Variants in AHCY observed in about 807,000 individuals in gnomAD.
AHCY encodes the protein adenosylhomocysteinase.
In AHCY, 24 loss-of-function variants were observed where a neutral mutation model predicts 45.4. That is an observed-to-expected ratio of 0.53 (90% confidence interval 0.38 to 0.74). The LOEUF (loss-of-function observed/expected upper bound fraction) is 0.74. AHCY is among the 30% of genes least tolerant of loss of function. AHCY has a pLI of 0.00. For missense variants in AHCY, 449 were observed against 594.1 expected (o/e 0.76, Z 2.54); for synonymous variants, 245 against 235.1 (o/e 1.04, Z -0.39).
the AHCY span, among the ~76,000 whole-genome samples, chr20:34,252,765 G>C: frequency 1.3e-5 from 2 of 152,154 alleles, no homozygotes; most frequent in Non-Finnish European, 2.9e-5. Context: ...TGTCTCAGTG[G>C]GGGGAAACCT....
At chr20:34,291,878 T>G (rs1325193643) in intron 4 of AHCY, among the ~76,000 whole-genome samples, 1 of 152,248 alleles carries the variant, frequency 6.6e-6, no homozygotes, top group Non-Finnish European at 1.5e-5. Flanking sequence ...AGAGAAATCT[T>G]CTCAACGCCC....
chr20:34,299,382 C>T (rs1054546094), intron 1 of AHCY, among the ~76,000 whole-genome samples: 4 of 152,196 alleles, frequency 2.6e-5, no homozygotes, highest in African/African-American at 9.6e-5. Context: ...TTCCTGAAAC[C>T]CTTTCTTTAC....
intron 3 of AHCY, chr20:34,293,842 A>G (rs1601666544): frequency 1.7e-6 from 1 of 581,830 alleles, no homozygotes; most frequent in African/African-American, 1.9e-5. Context: ...TCCCAATCAT[A>G]AGATCTTGCT....
At chr20:34,305,974 C>G (rs2036891380), upstream of AHCY, among the ~76,000 whole-genome samples, 2 of 150,472 alleles carry the variant, frequency 1.3e-5, no homozygotes, top group Non-Finnish European at 2.9e-5. Context: ...CTCAGCTACT[C>G]AGGAGGCTGA....
At chr20:34,246,399 C>T in the AHCY span, 3 of 1,383,616 alleles carry the variant, frequency 2.2e-6, no homozygotes, top group Non-Finnish European at 3.0e-6. Context: ...TGAGCAACAT[C>T]AGGCATATAT....
chr20:34,271,986 G>C, the AHCY span, among the ~76,000 whole-genome samples: 1 of 151,760 alleles, frequency 6.6e-6, no homozygotes, highest in African/African-American at 2.4e-5. Flanking sequence ...AAAAAAGGTA[G>C]AGGGTTAGTC....
the AHCY span, among the ~76,000 whole-genome samples, chr20:34,238,909 G>T: frequency 1.3e-5 from 2 of 152,120 alleles, no homozygotes; most frequent in Non-Finnish European, 2.9e-5. Flanking sequence ...TCACCTAGAA[G>T]TTGCAAGCCT....
At chr20:34,271,141 C>T in the AHCY span, among the ~76,000 whole-genome samples, 1 of 151,450 alleles carries the variant, frequency 6.6e-6, no homozygotes, top group Non-Finnish European at 1.5e-5. Context: ...AGGGTTTCGC[C>T]ATGATGGCCA....
intron 8 of AHCY, 57 bp from the exon 9 acceptor site, chr20:34,285,691 C>A (rs558745927): frequency 1.3e-6 from 2 of 1,593,262 alleles, no homozygotes; most frequent in East Asian, 4.5e-5. Flanking sequence ...CACAGCCCAC[C>A]CTCTGATCTG....
chr20:34,255,273 C>T, the AHCY span, among the ~76,000 whole-genome samples: 2 of 152,298 alleles, frequency 1.3e-5, no homozygotes, highest in South Asian at 4.1e-4. Flanking sequence ...CCCTCGTTCT[C>T]AATCCTGTTC....
chr20:34,263,065 C>G, the AHCY span, among the ~76,000 whole-genome samples: 3 of 152,058 alleles, frequency 2.0e-5, no homozygotes, highest in Admixed American at 2.0e-4. Context: ...AGCCAGACAC[C>G]CACAGAAGCC....
chr20:34,246,194 T>A, the AHCY span: 4 of 1,361,156 alleles, frequency 2.9e-6, no homozygotes, highest in African/African-American at 2.9e-5. Flanking sequence ...AATTTTGGCC[T>A]TAGTAAGCTT....
rs202125899 is a variant in AHCY, at chr20:34,303,228, G to C, written c.28+15C>G. ...TGCCGGGCGGCCGCAACCGGCTGCA[G>C]GTCCTGGGACTCACCGACTTTGTAG... On this transcript the variant is annotated intron_variant, in intron 1 of 9. Transcript: ENST00000217426. 5.4e-5 allele frequency: 83 copies of C among 1,551,380 alleles called. No homozygotes were observed. Among genetic ancestry groups the C allele is most frequent in the Non-Finnish European group, 7.1e-5 (81 of 1,146,870 alleles).
the AHCY span, among the ~76,000 whole-genome samples, chr20:34,252,491 G>A: frequency 1.3e-5 from 2 of 152,312 alleles, no homozygotes; most frequent in South Asian, 4.1e-4. Context: ...TAACAGAGCA[G>A]TATTGTTGTC....
the AHCY span, among the ~76,000 whole-genome samples, chr20:34,272,975 CA>C: frequency 6.6e-6 from 1 of 152,238 alleles, no homozygotes; most frequent in African/African-American, 2.4e-5. Flanking sequence ...GGAAGGGGTG[CA>C]GAGCTTCTGC....
intron 9 of AHCY, among the ~76,000 whole-genome samples, chr20:34,283,462 C>G (rs2036069556): frequency 6.6e-6 from 1 of 152,102 alleles, no homozygotes; most frequent in African/African-American, 2.4e-5. Flanking sequence ...GGTACCTAGT[C>G]CCTTGCCTGC....
At chr20:34,264,001 A>T in the AHCY span, among the ~76,000 whole-genome samples, 1 of 152,112 alleles carries the variant, frequency 6.6e-6, no homozygotes, top group South Asian at 2.1e-4. Context: ...ATTTTTGAAG[A>T]TTGACAATTA....
chr20:34,295,228 G>A, intron 2 of AHCY, 167 bp downstream of exon 2: 1 of 842,852 alleles, frequency 1.2e-6, no homozygotes, highest in Admixed American at 2.0e-5. Flanking sequence ...TCACCACAAG[G>A]GGTGGCAGCA....
At chr20:34,305,625 A>T (rs1228642644), upstream of AHCY, among the ~76,000 whole-genome samples, 1 of 152,196 alleles carries the variant, frequency 6.6e-6, no homozygotes, top group Non-Finnish European at 1.5e-5. Flanking sequence ...TATTCCTGCA[A>T]AGAAATGGCA....
Sources: gnomAD v4.1 joint callset for allele counts (sites outside exome capture counted in the v4.1 genomes callset) on GRCh38, gnomAD v4.1.1 for gene constraint, MANE v1.5 for transcripts, NCBI Gene and HGNC (gene_info 2026-07-23, HGNC 2026-07-21) for gene names.